SYT14: variants seen among roughly 807,000 people sequenced by gnomAD.
The protein encoded by SYT14 is synaptotagmin-14.
In SYT14, 32 loss-of-function variants were observed where a neutral mutation model predicts 74.2. The observed-to-expected ratio is 0.43, with a 90% CI of 0.33 to 0.58. SYT14 has a LOEUF of 0.58. Among genes scored for constraint, SYT14 ranks in the 20% least tolerant of loss-of-function variants. SYT14 has a pLI of 0.05. For missense variants in SYT14, 791 were observed against 981.8 expected, an observed-to-expected ratio of 0.81 and a Z score of 2.60; for synonymous variants, 298 against 337.7, an observed-to-expected ratio of 0.88 and a Z score of 1.29.
In SYT14 at chr1:209,938,294, A is replaced by T; in HGVS notation, c.-534+17A>T. 6.4e-7 allele frequency: 1 copy of T among 1,554,092 alleles called. No individual in the cohort carries two copies. The highest frequency in any genetic ancestry group is 8.7e-7 in the Non-Finnish European group (1 of 1,146,242). On this transcript the variant is annotated intron_variant, in intron 1 of 9. Coordinates refer to ENST00000637265, the Ensembl canonical transcript of SYT14. Reference sequence around the variant, plus strand: ...CGATTGAAGGTAAGTGGAGGCTGACAGCGGGGAGCGAGGACCGGGACCACC... The same window carrying T: ...CGATTGAAGGTAAGTGGAGGCTGACTGCGGGGAGCGAGGACCGGGACCACC...
At chr1:210,138,800 A>G (rs549866202) in intron 7 of SYT14, among the ~76,000 whole-genome samples, 1 of 152,222 alleles carries the variant, frequency 6.6e-6, no homozygotes, top group Middle Eastern at 3.4e-3. Context: ...TTATCTTTCA[A>G]TTTTCTTGGT....
At chr1:210,059,576 G>A (rs1038823729) in intron 5 of SYT14, among the ~76,000 whole-genome samples, 5 of 151,652 alleles carry the variant, frequency 3.3e-5, no homozygotes, top group African/African-American at 1.2e-4. Flanking sequence ...GATGTAAAGA[G>A]GCTGTTCTTT....
chr1:209,975,012 T>G (rs1344413526), intron 2 of SYT14, among the ~76,000 whole-genome samples: 1 of 152,210 alleles, frequency 6.6e-6, no homozygotes, highest in Non-Finnish European at 1.5e-5. Flanking sequence ...GGCTCTCTGT[T>G]TGTCTGTTAT....
chr1:210,021,096 C>G (rs147126272), exon 5 of SYT14: 7 of 1,613,696 alleles, frequency 4.3e-6, no homozygotes, highest in Non-Finnish European at 5.9e-6. Context: ...GAAGATGAAG[C>G]GCTGGGTAAA....
chr1:209,940,892 C>T (rs1212506387), intron 1 of SYT14, among the ~76,000 whole-genome samples: 2 of 152,186 alleles, frequency 1.3e-5, no homozygotes, highest in African/African-American at 2.4e-5. Context: ...TTATACCACT[C>T]CTTCACTTAT....
intron 7 of SYT14, among the ~76,000 whole-genome samples, chr1:210,133,436 T>G (rs1254353597): frequency 6.6e-6 from 1 of 152,220 alleles, no homozygotes; most frequent in Non-Finnish European, 1.5e-5. Flanking sequence ...TAATAAGAAA[T>G]GAGTTAATAG....
Position 209,954,528 on chromosome 1 carries a change from A to G in SYT14, c.-486+1772A>G, listed in dbSNP as rs564677814. Among the ~76,000 whole-genome samples the G allele has an allele frequency of 2.6e-5, 4 of 152,308 alleles. No homozygotes were observed. The South Asian group carries it at 8.3e-4, about 32-fold the overall frequency. ...CCTCTCAGCATTCAGTACAGTGAAT[A>G]TTTCATAAGTATTTGAATATTTTTG... On this transcript the variant is annotated intron_variant, in intron 2 of 9. Coordinates refer to ENST00000637265, the Ensembl canonical transcript of SYT14.
chr1:210,162,879 C>A (rs986824191), exon 10 of SYT14: 1 of 453,160 alleles, frequency 2.2e-6, no homozygotes, highest in African/African-American at 2.0e-5. Flanking sequence ...TACAGGGCTG[C>A]ATTAAAGGGA....
chr1:210,114,281 C>T lies in SYT14; in HGVS notation c.2034+13820C>T, dbSNP rs376098155. Among the ~76,000 whole-genome samples, 33 of 151,480 alleles carry T rather than the reference C, an allele frequency of 2.2e-4. 1 individual carries two copies. The highest frequency in any genetic ancestry group is 7.9e-4 in the African/African-American group (32 of 40,762). On this transcript the variant is annotated intron_variant, in intron 7 of 9. Coordinates refer to ENST00000637265, the Ensembl canonical transcript of SYT14. ...AGATTTCCAGCACTTAAAGCAAGAT[C>T]CTGGGGGAGGAGGTCCTGAAGGAAC...
At chr1:210,161,179 T>A in exon 10 of SYT14, 2 of 956,360 alleles carry the variant, frequency 2.1e-6, no homozygotes, top group Non-Finnish European at 3.3e-6. Context: ...CTTTAAGTTC[T>A]ATGGAAAGAA....
chr1:210,118,716 T>G (rs1455469752), intron 7 of SYT14, among the ~76,000 whole-genome samples: 1 of 152,132 alleles, frequency 6.6e-6, no homozygotes, highest in East Asian at 1.9e-4. Context: ...TGACCTCAGG[T>G]GATCCATCTG....
At chr1:209,962,102 G>A (rs957063542) in intron 2 of SYT14, among the ~76,000 whole-genome samples, 1 of 151,926 alleles carries the variant, frequency 6.6e-6, no homozygotes, top group Non-Finnish European at 1.5e-5. Context: ...AATTATAATT[G>A]TCTTACTTTT....
At chr1:210,108,515 A>G (rs1030339233) in intron 7 of SYT14, among the ~76,000 whole-genome samples, 10 of 152,178 alleles carry the variant, frequency 6.6e-5, no homozygotes, top group Non-Finnish European at 1.3e-4. Flanking sequence ...AAATCTGGCT[A>G]TAACAATAGG....
intron 1 of SYT14, among the ~76,000 whole-genome samples, chr1:209,952,132 C>G (rs995098144): frequency 2.0e-5 from 3 of 151,790 alleles, no homozygotes; most frequent in Admixed American, 2.0e-4. Context: ...TGGTTTTTGG[C>G]CCAATAAGTA....
intron 5 of SYT14, among the ~76,000 whole-genome samples, chr1:210,054,245 T>C (rs558180783): frequency 2.6e-4 from 39 of 152,240 alleles, no homozygotes; most frequent in Admixed American, 6.5e-4. Context: ...TAAAAAAAAA[T>C]TGAATCATTT....
chr1:210,133,669 T>C (rs562763096), intron 7 of SYT14, among the ~76,000 whole-genome samples: 15 of 152,254 alleles, frequency 9.9e-5, no homozygotes, highest in Non-Finnish European at 1.6e-4. Flanking sequence ...CTCTGTACTT[T>C]CTGAAGTATT....
chr1:209,982,578 T>C (rs35788191), intron 2 of SYT14, among the ~76,000 whole-genome samples: 69,011 of 151,718 alleles, frequency 0.45, 16,925 homozygotes, highest in Non-Finnish European at 0.56. Flanking sequence ...TTGCACAGTT[T>C]TATTTATCCA....
chr1:210,158,774 T>C (rs2083318103), intron 8 of SYT14, among the ~76,000 whole-genome samples: 1 of 152,204 alleles, frequency 6.6e-6, no homozygotes, highest in South Asian at 2.1e-4. Flanking sequence ...GTCAATTTAA[T>C]TTTATGAAAG....
intron 5 of SYT14, among the ~76,000 whole-genome samples, chr1:210,068,214 C>A (rs1355130134): frequency 6.6e-6 from 1 of 151,738 alleles, no homozygotes; most frequent in Non-Finnish European, 1.5e-5. Context: ...ATCTTTTAAT[C>A]TGTTCATGTT....
Sources: gnomAD v4.1 joint callset for allele counts (sites outside exome capture counted in the v4.1 genomes callset) on GRCh38, gnomAD v4.1.1 for gene constraint, MANE v1.5 for transcripts, NCBI Gene and HGNC (gene_info 2026-07-23, HGNC 2026-07-21) for gene names.